Variants in ATG7 observed in about 807,000 individuals in gnomAD.
ATG7 encodes ubiquitin-like modifier-activating enzyme ATG7.
ATG7 carries 70 observed loss-of-function variants against 82.4 expected under a neutral mutation model. The observed-to-expected ratio is 0.85, with a 90% CI of 0.70 to 1.04. ATG7 has a LOEUF of 1.04. ATG7 is among the 50% of genes least tolerant of loss of function. The pLI is 0.00. For missense variants in ATG7, 792 were observed against 864.3 expected (o/e 0.92, Z 1.05); for synonymous variants, 287 against 313.0 (o/e 0.92, Z 0.88).
intron 5 of ATG7, among the ~76,000 whole-genome samples, chr3:11,300,715 CA>C (rs2152693526): frequency 6.6e-6 from 1 of 152,286 alleles, no homozygotes; most frequent in South Asian, 2.1e-4. Context: ...GATACACATT[CA>C]GTGGAAATTA....
intron 19 of ATG7, among the ~76,000 whole-genome samples, chr3:11,416,683 A>AT (rs1395829165): frequency 1.3e-5 from 2 of 151,904 alleles, no homozygotes; most frequent in African/African-American, 4.8e-5. Flanking sequence ...TTCTCCATTG[A>AT]TTTTCTGTTT....
At chr3:11,484,326 G>A (rs779620664) in intron 20 of ATG7, among the ~76,000 whole-genome samples, 22 of 152,182 alleles carry the variant, frequency 1.4e-4, no homozygotes, top group Non-Finnish European at 2.8e-4. Flanking sequence ...CCCAGGAGGC[G>A]GAGGCTGCAG....
At chr3:11,292,297 A>G (rs1287785113) in intron 3 of ATG7, among the ~76,000 whole-genome samples, 1 of 139,326 alleles carries the variant, frequency 7.2e-6, no homozygotes, top group Non-Finnish European at 1.5e-5. Context: ...TCTGTTGCCC[A>G]GGCTGGAGTG....
At chr3:11,397,176 A>G (rs1178227013) in intron 19 of ATG7, among the ~76,000 whole-genome samples, 1 of 152,172 alleles carries the variant, frequency 6.6e-6, no homozygotes, top group Admixed American at 6.5e-5. Context: ...TACAAGCAAT[A>G]TATCTTAAAC....
intron 20 of ATG7, among the ~76,000 whole-genome samples, chr3:11,478,721 C>T (rs1444465261): frequency 6.6e-6 from 1 of 151,964 alleles, no homozygotes; most frequent in African/African-American, 2.4e-5. Context: ...AAAAACACCC[C>T]CACCCCCAAA....
intron 19 of ATG7, among the ~76,000 whole-genome samples, chr3:11,414,671 A>G (rs760693724): frequency 2.2e-4 from 33 of 152,078 alleles, no homozygotes; most frequent in Admixed American, 1.3e-4. Flanking sequence ...TTTTTCATCC[A>G]CCATTAGTTA....
chr3:11,342,505 A>G (rs996260793), intron 13 of ATG7, among the ~76,000 whole-genome samples: 1 of 152,182 alleles, frequency 6.6e-6, no homozygotes, highest in Admixed American at 6.5e-5. Context: ...TTTCCTATTA[A>G]GCAGACTTTG....
At chr3:11,568,677 G>A in the ATG7 span, 1 of 1,554,588 alleles carries the variant, frequency 6.4e-7, no homozygotes. This position sits in a 1 kb window ranked among gnomAD's most constrained non-coding sequence, Gnocchi z 5.9. Context: ...TCGCCCGGAT[G>A]AATCACCTCC....
chr3:11,539,824 C>T (rs982025968), intron 20 of ATG7, among the ~76,000 whole-genome samples: 20 of 152,256 alleles, frequency 1.3e-4, no homozygotes, highest in African/African-American at 4.8e-4. Flanking sequence ...AGTTCGGCGA[C>T]ATCGAGCAGG....
In ATG7 at chr3:11,294,735, T is replaced by C. The variant is rs150723940; in HGVS notation, c.-10-3951T>C. On this transcript the variant is annotated intron_variant, in intron 3 of 20. Transcript: ENST00000693202. ...AGGCACTAGGCAAACTCCAGACTCC[T>C]GGCCTCCATCACTATCCCTTCTCTT... Among the ~76,000 whole-genome samples the C allele has an allele frequency of 1.2e-4, 19 of 152,334 alleles. No individual in the cohort carries two copies. In the South Asian group the frequency reaches 2.3e-3, roughly 18 times the overall value.
the ATG7 span, among the ~76,000 whole-genome samples, chr3:11,566,490 G>C: frequency 1.3e-5 from 2 of 152,200 alleles, no homozygotes; most frequent in South Asian, 4.1e-4. Flanking sequence ...CCAGCCCTTA[G>C]TGAATGTTTT....
intron 20 of ATG7, among the ~76,000 whole-genome samples, chr3:11,433,864 A>G (rs1410596658): frequency 6.6e-6 from 1 of 152,238 alleles, no homozygotes. Flanking sequence ...CTAAAAAGAA[A>G]GCAACAACCA....
intron 19 of ATG7, among the ~76,000 whole-genome samples, chr3:11,414,646 T>A (rs772576254): frequency 1.3e-4 from 20 of 152,218 alleles, no homozygotes; most frequent in South Asian, 4.1e-4. Flanking sequence ...CTTGCCTTCA[T>A]GGAGAAACTT....
chr3:11,463,903 G>A (rs867261164), intron 20 of ATG7, among the ~76,000 whole-genome samples: 9 of 152,198 alleles, frequency 5.9e-5, no homozygotes, highest in Admixed American at 2.6e-4. Context: ...GTAAAGGAAC[G>A]TGGTTGGTGT....
chr3:11,435,916 A>T lies in ATG7; in HGVS notation c.2079+8990A>T, dbSNP rs746342790. Among the ~76,000 whole-genome samples the T allele has an allele frequency of 6.6e-5, 10 of 152,272 alleles. 1 individual carries two copies. Among genetic ancestry groups the T allele is most frequent in the African/African-American group, 2.4e-4 (10 of 41,534 alleles). On this transcript the variant is annotated intron_variant, in intron 20 of 20. Transcript: ENST00000693202. The stretch of plus-strand genomic sequence containing the variant: ...AACAGCATTTTGCAAATCATACCTG[A>T]TAAGGGTGTGGTATCTAGAATATAG...
At chr3:11,305,013 C>G (rs1299400388) in intron 5 of ATG7, among the ~76,000 whole-genome samples, 1 of 152,172 alleles carries the variant, frequency 6.6e-6, no homozygotes, top group Non-Finnish European at 1.5e-5. Context: ...CCCCCCTCCT[C>G]CATACTCACC....
intron 9 of ATG7, among the ~76,000 whole-genome samples, chr3:11,317,626 T>G (rs1156451953): frequency 6.9e-6 from 1 of 145,290 alleles, no homozygotes; most frequent in Non-Finnish European, 1.5e-5. Context: ...AGAGTCTTGC[T>G]CTGTCGCCCA....
At chr3:11,493,053 A>C (rs536554636) in intron 20 of ATG7, among the ~76,000 whole-genome samples, 178 of 152,354 alleles carry the variant, frequency 1.2e-3, no homozygotes, top group African/African-American at 4.1e-3. Flanking sequence ...TTGGGTACCC[A>C]CACTTGGTGG....
intron 1 of ATG7, 103 bp from the exon 2 acceptor site, chr3:11,280,891 G>T (rs439738): frequency 2.6e-5 from 4 of 152,178 alleles, no homozygotes; most frequent in Admixed American, 2.6e-4. Context: ...AGCCAAAGAC[G>T]TACTGCTATT....
Sources: allele counts gnomAD v4.1 joint callset (sites outside exome capture counted in the v4.1 genomes callset), GRCh38; gene constraint gnomAD v4.1.1; non-coding constraint Gnocchi (gnomAD v3.1); transcripts MANE v1.5; gene names NCBI Gene and HGNC (gene_info 2026-07-23, HGNC 2026-07-21).